Variants in RGL1 observed in about 807,000 individuals in gnomAD.
The protein encoded by RGL1 is ral guanine nucleotide dissociation stimulator-like 1.
In RGL1, 24 loss-of-function variants were observed where a neutral mutation model predicts 95.2. The ratio of observed to expected loss-of-function variants is 0.25; its 90% confidence interval spans 0.18 to 0.35. RGL1 has a LOEUF of 0.35. RGL1 is among the 10% of genes least tolerant of loss of function. The pLI is 1.00. For synonymous variants in RGL1, 329 were observed against 344.9 expected, an observed-to-expected ratio of 0.95 and a Z score of 0.51; for missense variants, 715 against 936.3, an observed-to-expected ratio of 0.76 and a Z score of 3.08.
chr1:183,738,634 C>CAA (rs1334673518), intron 1 of RGL1, among the ~76,000 whole-genome samples: 1 of 152,168 alleles, frequency 6.6e-6, no homozygotes, highest in African/African-American at 2.4e-5. Context: ...GGTGAGATGG[C>CAA]TCATGCCTGT....
At chr1:183,850,703 G>T (rs1664780117) in intron 3 of RGL1, among the ~76,000 whole-genome samples, 1 of 152,028 alleles carries the variant, frequency 6.6e-6, no homozygotes, top group Non-Finnish European at 1.5e-5. Context: ...TATATAGGCA[G>T]GATCTTATGT....
chr1:183,669,745 A>G (rs1337067350), intron 1 of RGL1, among the ~76,000 whole-genome samples: 2 of 152,356 alleles, frequency 1.3e-5, no homozygotes, highest in East Asian at 3.9e-4. Flanking sequence ...AAAGAGGTTT[A>G]ATGCACTCAC....
intron 1 of RGL1, among the ~76,000 whole-genome samples, chr1:183,641,560 C>G (rs555352198): frequency 2.0e-5 from 3 of 152,180 alleles, no homozygotes; most frequent in Non-Finnish European, 4.4e-5. Flanking sequence ...ATGAGCCCCC[C>G]CCACCATACC....
At chr1:183,880,867 G>A in intron 5 of RGL1, 67 bp downstream of exon 5, 1 of 1,450,600 alleles carries the variant, frequency 6.9e-7, no homozygotes, top group Non-Finnish European at 9.4e-7. Context: ...GCTGGAGAAA[G>A]GTTCTCCCTG....
intron 2 of RGL1, among the ~76,000 whole-genome samples, chr1:183,834,505 T>C (rs905874886): frequency 7.2e-5 from 11 of 152,180 alleles, no homozygotes; most frequent in Non-Finnish European, 7.3e-5. Context: ...ATGTATTTAA[T>C]GTCTATGGCA....
At chr1:183,805,971 C>CTTTTTTTTTTTTTTTTTTTTT (rs751229707) in intron 1 of RGL1, among the ~76,000 whole-genome samples, 119 of 74,612 alleles carry the variant, frequency 1.6e-3, no homozygotes, top group Non-Finnish European at 1.9e-3. Flanking sequence ...CTTTTCTTTT[C>CTTTTTTTTTTTTTTTTTTTTT]TTTTTTTTTT....
At chr1:183,786,168 A>G (rs1254871739) in intron 2 of RGL1, among the ~76,000 whole-genome samples, 1 of 151,990 alleles carries the variant, frequency 6.6e-6, no homozygotes, top group Non-Finnish European at 1.5e-5. Context: ...TTGAGAGGCC[A>G]AGGCAGGAGG....
intron 2 of RGL1, among the ~76,000 whole-genome samples, chr1:183,825,349 C>T (rs958468974): frequency 1.3e-5 from 2 of 152,022 alleles, no homozygotes; most frequent in Admixed American, 1.3e-4. Flanking sequence ...TATTGCAGGC[C>T]AAGTGTGAGT....
chr1:183,889,026 A>G (rs920062855), intron 8 of RGL1, among the ~76,000 whole-genome samples: 2 of 152,160 alleles, frequency 1.3e-5, no homozygotes, highest in Non-Finnish European at 2.9e-5. Flanking sequence ...CAGCATTTTA[A>G]AAACTATCTT....
chr1:183,855,631 T>C (rs967989774), intron 3 of RGL1, among the ~76,000 whole-genome samples: 2 of 152,150 alleles, frequency 1.3e-5, no homozygotes, highest in Non-Finnish European at 2.9e-5. Flanking sequence ...CTGGGAAACA[T>C]ACTGGAAACT....
At chr1:183,798,399 G>A (rs1323387296) in intron 2 of RGL1, among the ~76,000 whole-genome samples, 1 of 152,038 alleles carries the variant, frequency 6.6e-6, no homozygotes, top group Admixed American at 6.6e-5. Context: ...CATATCTAAT[G>A]TATACAACTT....
chr1:183,840,998 C>T (rs1243519748), intron 2 of RGL1, among the ~76,000 whole-genome samples: 1 of 152,090 alleles, frequency 6.6e-6, no homozygotes, highest in Non-Finnish European at 1.5e-5. Flanking sequence ...CCCTCCATGT[C>T]TTGCCTCTCT....
chr1:183,770,587 C>T (rs1461064755), intron 2 of RGL1, among the ~76,000 whole-genome samples: 3 of 152,010 alleles, frequency 2.0e-5, no homozygotes, highest in Non-Finnish European at 4.4e-5. Flanking sequence ...GTCTCCTCAA[C>T]TAAAATTAGG....
chr1:183,922,116 C>A, intron 16 of RGL1, 106 bp from the exon 17 acceptor site: 1 of 877,974 alleles, frequency 1.1e-6, no homozygotes, highest in Non-Finnish European at 1.8e-6. Flanking sequence ...TCCGTTCTTT[C>A]TGGAAAGGCA....
intron 3 of RGL1, among the ~76,000 whole-genome samples, chr1:183,849,493 T>A (rs972067953): frequency 7.2e-6 from 1 of 138,272 alleles, no homozygotes; most frequent in South Asian, 2.5e-4. Context: ...GTTTTTTTTT[T>A]TTTTTTTTTT....
At chr1:183,675,167 C>T (rs967730331) in intron 1 of RGL1, among the ~76,000 whole-genome samples, 5 of 152,108 alleles carry the variant, frequency 3.3e-5, no homozygotes, top group African/African-American at 9.7e-5. Flanking sequence ...ACAGGGCACT[C>T]GGGAATCTTG....
intron 1 of RGL1, 61 bp from the exon 2 acceptor site, chr1:183,806,314 T>C (rs998395531): frequency 1.5e-5 from 19 of 1,298,314 alleles, no homozygotes; most frequent in Non-Finnish European, 1.9e-5. Context: ...CTGGGATAGA[T>C]TGTGGTTAGC....
Position 183,793,854 on chromosome 1 carries a change from A to G in RGL1, c.133-12521A>G, listed in dbSNP as rs73043331. 6.4e-3 allele frequency among the ~76,000 whole-genome samples: 980 copies of G among 152,276 alleles called. 13 individuals are homozygous for G. Among genetic ancestry groups the G allele is most frequent in the African/African-American group, 0.022 (906 of 41,558 alleles). ...CAGCATGGAGTTTGTAAAAAAAACAACTAAAGAAAGAATTACCATGCGATC... is the reference window on the plus strand; with the variant it reads ...CAGCATGGAGTTTGTAAAAAAAACAGCTAAAGAAAGAATTACCATGCGATC... On this transcript the variant is annotated intron_variant, in intron 2 of 18. Coordinates refer to the RGL1 transcript ENST00000304685.
chr1:183,706,723 C>G (rs769888220), intron 1 of RGL1, among the ~76,000 whole-genome samples: 13 of 152,182 alleles, frequency 8.5e-5, no homozygotes, highest in Non-Finnish European at 1.6e-4. Context: ...CCCCGTGGGC[C>G]CACAGAGCCC....
Sources: allele counts gnomAD v4.1 joint callset (sites outside exome capture counted in the v4.1 genomes callset), GRCh38; gene constraint gnomAD v4.1.1; transcripts MANE v1.5; gene names NCBI Gene and HGNC (gene_info 2026-07-23, HGNC 2026-07-21).